Variants in ATP7A observed in about 807,000 individuals in gnomAD.
ATP7A encodes the protein copper-transporting ATPase 1.
Under a neutral mutation model 83.5 loss-of-function variants are expected in ATP7A, and 7 were observed. The observed-to-expected ratio is 0.08, with a 90% confidence interval of 0.05 to 0.16. ATP7A has a LOEUF of 0.16. Ranked by LOEUF, ATP7A falls within the 10% of genes least tolerant of loss-of-function variation. The pLI is 1.00. For synonymous variants in ATP7A, 354 were observed against 395.2 expected (o/e 0.90, Z 1.24); for missense variants, 940 against 1,120.8 (o/e 0.84, Z 2.30).
chrX:78,045,428 T>C, intron 21 of ATP7A, 42 bp from the exon 22 acceptor site: 7 of 974,562 alleles, frequency 7.2e-6, no homozygotes, highest in Non-Finnish European at 1.0e-5. Flanking sequence ...TAATAATCTG[T>C]TTAGTATTAT....
intron 5 of ATP7A, among the ~76,000 whole-genome samples, chrX:77,999,720 A>G (rs1467712579): frequency 9.0e-6 from 1 of 111,008 alleles, no homozygotes; most frequent in Non-Finnish European, 1.9e-5. Context: ...CCGGGCCAAC[A>G]TGGTGAAACC....
rs2077826690 is a variant in ATP7A, at chrX:78,011,636, A to G, written c.2134A>G (p.Met712Val). Residue 712 changes from methionine to valine, a missense_variant, in exon 9 of 23, where the codon ATG becomes GTG. Met to Val is a conservative substitution (Grantham distance 21, BLOSUM62 1). Transcript: ENST00000341514. ...CCAGATTCTTCCAGGATTGTCTGTT[A>G]TGAATTTGCTGTCCTTTTTATTGTG... ...ERQILPGLSV[M>V]NLLSFLLCVP... 8.3e-7 allele frequency: 1 copy of G among 1,211,137 alleles called. No individual in the cohort carries two copies.
Position 77,934,714 on chromosome X carries a change from G to A in ATP7A, c.-22+23879G>A, listed in dbSNP as rs782409842. Reference sequence around the variant, plus strand: ...AAGTTTCAGATTTTGGAGCATTTGAGGTTTTAGATTTTCAAATTAGGAATG... The same window carrying A: ...AAGTTTCAGATTTTGGAGCATTTGAAGTTTTAGATTTTCAAATTAGGAATG... On this transcript the variant is annotated intron_variant, in intron 1 of 22. Coordinates refer to ENST00000341514, the MANE Select transcript of ATP7A (RefSeq NM_000052.7). Among the ~76,000 whole-genome samples, 7 of 110,710 alleles carry A rather than the reference G, an allele frequency of 6.3e-5. No homozygotes were observed. In the South Asian group the frequency reaches 2.7e-3, roughly 42 times the overall value.
intron 1 of ATP7A, among the ~76,000 whole-genome samples, chrX:77,958,419 A>G (rs1457740849): frequency 1.8e-5 from 2 of 111,404 alleles, no homozygotes; most frequent in African/African-American, 6.5e-5. Context: ...AGGTGCATGA[A>G]TTTATTTTAG....
chrX:77,956,726 CCTTTCTTT>C (rs202001825), intron 1 of ATP7A, among the ~76,000 whole-genome samples: 2,776 of 73,747 alleles, frequency 0.038, 56 homozygotes, highest in South Asian at 0.055. Flanking sequence ...TACCCAGTCT[CCTTTCTTT>C]CTTTCTTTCT....
intron 17 of ATP7A, among the ~76,000 whole-genome samples, chrX:78,037,620 C>A (rs782099542): frequency 1.3e-4 from 14 of 111,233 alleles, no homozygotes; most frequent in Non-Finnish European, 2.6e-4. Context: ...GCAAAGAAGG[C>A]CAAGAAGTGG....
chrX:78,040,486 A>G, intron 18 of ATP7A, 105 bp from the exon 19 acceptor site: 1 of 1,045,305 alleles, frequency 9.6e-7, no homozygotes, highest in Non-Finnish European at 1.3e-6. Context: ...TGCCCTGAAC[A>G]ACTTTACTTG....
At chrX:78,019,864 CT>C (rs1475718629) in intron 12 of ATP7A, among the ~76,000 whole-genome samples, 2 of 111,003 alleles carry the variant, frequency 1.8e-5, no homozygotes, top group African/African-American at 6.6e-5. Flanking sequence ...TTCAGTGCCC[CT>C]GACCCTGGCA....
intron 14 of ATP7A, 43 bp downstream of exon 14, chrX:78,021,122 T>G: frequency 8.7e-7 from 1 of 1,152,548 alleles, no homozygotes; most frequent in Non-Finnish European, 1.2e-6. Context: ...CAGAACAATT[T>G]GTGAGTCTTT....
At chrX:78,010,315 C>G (rs782682127) in intron 7 of ATP7A, among the ~76,000 whole-genome samples, 2 of 112,001 alleles carry the variant, frequency 1.8e-5, no homozygotes, top group Admixed American at 9.5e-5. Context: ...CCTAATTACT[C>G]TGACTCCAAA....
chrX:77,916,037 C>G (rs2077183324), intron 1 of ATP7A, among the ~76,000 whole-genome samples: 1 of 111,415 alleles, frequency 9.0e-6, no homozygotes, highest in Non-Finnish European at 1.9e-5. Flanking sequence ...CCACGCCCGG[C>G]ACAATACTTA....
chrX:78,003,260 T>C, intron 6 of ATP7A, 24 bp downstream of exon 6: 1 of 1,191,274 alleles, frequency 8.4e-7, no homozygotes, highest in Admixed American at 2.2e-5. Flanking sequence ...TTTGTGTGAT[T>C]AATAAAACTT....
intron 9 of ATP7A, among the ~76,000 whole-genome samples, chrX:78,012,476 G>T (rs1269494299): frequency 9.1e-6 from 1 of 109,551 alleles, no homozygotes; most frequent in Non-Finnish European, 1.9e-5. Context: ...AGAAAAATCT[G>T]CTTGGTGTGA....
At chrX:78,019,085 G>A (rs145278385) in intron 12 of ATP7A, among the ~76,000 whole-genome samples, 64 of 112,169 alleles carry the variant, frequency 5.7e-4, no homozygotes, top group African/African-American at 2.0e-3. Context: ...GAGCCAAACC[G>A]TATCAACTAT....
chrX:77,948,658 T>C (rs1485856205), intron 1 of ATP7A, among the ~76,000 whole-genome samples: 1 of 111,038 alleles, frequency 9.0e-6, no homozygotes, highest in Non-Finnish European at 1.9e-5. Context: ...GGGCAAACAC[T>C]GGGGAAAATG....
intron 5 of ATP7A, among the ~76,000 whole-genome samples, chrX:78,001,089 T>C (rs2077735958): frequency 1.8e-5 from 2 of 111,945 alleles, no homozygotes; most frequent in South Asian, 7.4e-4. Flanking sequence ...AATCAAATTT[T>C]CCCTTCTATT....
At chrX:78,029,533 C>A in intron 15 of ATP7A, 89 bp downstream of exon 15, 1 of 931,863 alleles carries the variant, frequency 1.1e-6, no homozygotes, top group Non-Finnish European at 1.5e-6. Flanking sequence ...TAAATTATTT[C>A]TCTGTGGTCC....
intron 17 of ATP7A, among the ~76,000 whole-genome samples, chrX:78,036,336 G>A (rs1200470601): frequency 9.0e-6 from 1 of 111,063 alleles, no homozygotes; most frequent in Non-Finnish European, 1.9e-5. Context: ...CTGAGGGGAT[G>A]AGAGAAAAAG....
At chrX:78,001,442 A>T (rs1396020783) in intron 5 of ATP7A, among the ~76,000 whole-genome samples, 1 of 72,682 alleles carries the variant, frequency 1.4e-5, no homozygotes, top group Non-Finnish European at 2.2e-5. Flanking sequence ...TCAAGCATTT[A>T]TCCTTGTGTT....
Sources: gnomAD v4.1 joint callset for allele counts (sites outside exome capture counted in the v4.1 genomes callset) on GRCh38, gnomAD v4.1.1 for gene constraint, MANE v1.5 for transcripts, NCBI Gene and HGNC (gene_info 2026-07-23, HGNC 2026-07-21) for gene names.